COL22A1: variants seen among roughly 807,000 people sequenced by gnomAD.
The protein encoded by COL22A1 is collagen type XXII alpha 1 chain, also known as collagen alpha-1(XXII) chain.
A neutral mutation model predicts 248.9 loss-of-function variants in COL22A1; 221 were observed. The observed-to-expected ratio is 0.89, with a 90% confidence interval of 0.80 to 0.99. The LOEUF is 0.99. Among genes scored for constraint, COL22A1 ranks in the 50% least tolerant of loss-of-function variants. COL22A1 has a pLI of 0.00. For synonymous variants in COL22A1, 891 were observed against 793.4 expected (o/e 1.12, Z -2.07); for missense variants, 2,240 against 2,179.0 (o/e 1.03, Z -0.56).
At chr8:138,885,018 A>G (rs80190253) in intron 1 of COL22A1, among the ~76,000 whole-genome samples, 2 of 28,106 alleles carry the variant, frequency 7.1e-5, no homozygotes, top group Admixed American at 7.7e-4. Flanking sequence ...GTGTGCACGC[A>G]CACACACACA....
chr8:138,664,210 CACACACA>C (rs1564164425), intron 41 of COL22A1, among the ~76,000 whole-genome samples: 8 of 23,768 alleles, frequency 3.4e-4, no homozygotes, highest in Non-Finnish European at 8.6e-4. Flanking sequence ...CGCGCGCGCG[CACACACA>C]CACACACACA....
In COL22A1 at chr8:138,760,264, C is replaced by A; in HGVS notation, c.1881G>T (p.Val627=). 1 of 1,596,784 alleles carries A rather than the reference C, an allele frequency of 6.3e-7. No individual in the cohort carries two copies. The highest frequency in any genetic ancestry group is 8.5e-7 in the Non-Finnish European group (1 of 1,171,910). ...GQQGRPGPSG[V]AGPQGEKGDV... The stretch of plus-strand genomic sequence containing the variant: ...TCACCTTTTCTCCCTGGGGTCCTGC[C>A]ACACCAGAAGGGCCGGGCCTGCCCT... The change falls in exon 18 of 65, where the codon GTG becomes GTT. Residue 627 remains valine (V), a synonymous_variant. Transcript: ENST00000303045.
At chr8:138,596,229 T>C (rs1817530290) in intron 62 of COL22A1, among the ~76,000 whole-genome samples, 1 of 152,210 alleles carries the variant, frequency 6.6e-6, no homozygotes, top group South Asian at 2.1e-4. Context: ...CACAGGCACA[T>C]GCTAGACCTG....
rs115456028 is a variant in COL22A1, at chr8:138,676,729, T to C, written c.3073-94A>G. The C allele has an allele frequency of 4.6e-4, 440 of 949,248 alleles. 3 individuals are homozygous for C. The African/African-American group carries it at 6.7e-3, about 14-fold the overall frequency. The allele number at this position is 949,248 out of a possible 1,614,324, so 58.8% of individuals were successfully genotyped here. A position where few individuals can be genotyped will look rare whatever the true frequency, so the allele number is the denominator to read the frequency against. ...ATCATGCTTCTTCTAGAATCCTGACTGCAGGCTTCTCCTGCCACCTGGCCT... is the reference window on the plus strand; with the variant it reads ...ATCATGCTTCTTCTAGAATCCTGACCGCAGGCTTCTCCTGCCACCTGGCCT... On this transcript the variant is annotated intron_variant, in intron 40 of 64. Transcript: ENST00000303045.
At chr8:138,774,167 A>C (rs939580828) in intron 16 of COL22A1, among the ~76,000 whole-genome samples, 12 of 152,174 alleles carry the variant, frequency 7.9e-5, no homozygotes, top group Non-Finnish European at 1.5e-4. Flanking sequence ...TATTAAAGTT[A>C]AAATGATTAA....
intron 30 of COL22A1, among the ~76,000 whole-genome samples, chr8:138,707,870 T>C (rs1315096431): frequency 6.6e-6 from 1 of 152,194 alleles, no homozygotes; most frequent in Admixed American, 6.5e-5. Context: ...ATGACATGAT[T>C]GTATATTTAG....
At chr8:138,699,545 G>A (rs1354541133) in intron 32 of COL22A1, among the ~76,000 whole-genome samples, 1 of 152,202 alleles carries the variant, frequency 6.6e-6, no homozygotes, top group African/African-American at 2.4e-5. Flanking sequence ...TGAAAAGAGA[G>A]GAAAAAGGTT....
chr8:138,815,103 T>C (rs1259720672), intron 7 of COL22A1, among the ~76,000 whole-genome samples: 1 of 152,178 alleles, frequency 6.6e-6, no homozygotes, highest in African/African-American at 2.4e-5. Context: ...AGATGTGACT[T>C]TGCTCCTCAT....
rs139710094 is a variant in COL22A1, at chr8:138,864,900, C to T, written c.658+12850G>A. 5.0e-3 allele frequency among the ~76,000 whole-genome samples: 766 copies of T among 152,334 alleles called. 5 individuals carry two copies. Among genetic ancestry groups the T allele is most frequent in the African/African-American group, 0.018 (728 of 41,580 alleles). ...GAAAATGTCTTCAGTAGAAAACACA[C>T]GTGGCATTGGGTGCTCAGGGGAGCC... is the stretch of plus-strand genomic sequence containing the variant. On this transcript the variant is annotated intron_variant, in intron 3 of 64. Transcript: ENST00000303045.
Position 138,796,047 on chromosome 8 carries a change from C to T in COL22A1, c.1596+772G>A, listed in dbSNP as rs796632585. Among the ~76,000 whole-genome samples, 20 of 152,266 alleles carry T rather than the reference C, an allele frequency of 1.3e-4. 1 individual carries two copies. Among genetic ancestry groups the T allele is most frequent in the African/African-American group, 4.8e-4 (20 of 41,576 alleles). Reference sequence around the variant, plus strand: ...TTTGCACTGTAAAGTCTTGTGGCTGCCTCTCCAAGAAAACGATAATTTTTT... The same window carrying T: ...TTTGCACTGTAAAGTCTTGTGGCTGTCTCTCCAAGAAAACGATAATTTTTT... On this transcript the variant is annotated intron_variant, in intron 12 of 64. Coordinates refer to ENST00000303045, the MANE Select transcript of COL22A1 (RefSeq NM_152888.3).
chr8:138,599,875 T>C (rs1357300866), intron 60 of COL22A1, among the ~76,000 whole-genome samples: 1 of 152,208 alleles, frequency 6.6e-6, no homozygotes, highest in Non-Finnish European at 1.5e-5. Flanking sequence ...AGAGTGCAGC[T>C]CCTCGGGCTG....
rs370292079 is a variant in COL22A1, at chr8:138,702,599, G to C, written c.2559+707C>G. 4.2e-5 allele frequency among the ~76,000 whole-genome samples: 6 copies of C among 143,432 alleles called. No individual in the cohort carries two copies. In the East Asian group the frequency reaches 6.0e-4, roughly 14 times the overall value. The allele number at this position is 143,432 out of a possible 152,430, so 94.1% of individuals were successfully genotyped here. ...AAACAGAGGATCTCAAGATGAGGAA[G>C]AAACATTAAAGTGGAAAAAAAAAAA... is the stretch of plus-strand genomic sequence containing the variant. On this transcript the variant is annotated intron_variant, in intron 31 of 64. Transcript: ENST00000303045.
intron 1 of COL22A1, among the ~76,000 whole-genome samples, chr8:138,897,330 A>G (rs1825490075): frequency 6.6e-6 from 1 of 151,994 alleles, no homozygotes; most frequent in Non-Finnish European, 1.5e-5. Flanking sequence ...GGCGATTCAC[A>G]AGGTCAAGAG....
chr8:138,661,944 A>C, intron 43 of COL22A1, 86 bp downstream of exon 43: 1 of 1,023,930 alleles, frequency 9.8e-7, no homozygotes, highest in Non-Finnish European at 1.4e-6. Context: ...CCACATGGTC[A>C]AAGGAGGCCA....
intron 1 of COL22A1, among the ~76,000 whole-genome samples, chr8:138,895,771 T>A (rs1336079020): frequency 6.6e-6 from 1 of 152,160 alleles, no homozygotes; most frequent in Admixed American, 6.5e-5. Context: ...GGATGGTAAA[T>A]TCTCAAACTT....
intron 27 of COL22A1, among the ~76,000 whole-genome samples, chr8:138,717,667 G>T (rs1829549964): frequency 6.6e-6 from 1 of 152,150 alleles, no homozygotes. Flanking sequence ...GTCTCACTGT[G>T]TTGGCCAGGT....
chr8:138,641,287 C>G (rs992301048), intron 47 of COL22A1, among the ~76,000 whole-genome samples: 6 of 152,300 alleles, frequency 3.9e-5, no homozygotes, highest in African/African-American at 1.4e-4. Context: ...GTCATCCATA[C>G]CCTCCAAATG....
At chr8:138,679,795 G>T in intron 39 of COL22A1, 119 bp from the exon 40 acceptor site, 1 of 921,736 alleles carries the variant, frequency 1.1e-6, no homozygotes, top group Non-Finnish European at 1.8e-6. Flanking sequence ...ACAGTGTCCA[G>T]ATTAGGGTCT....
rs751086518 is a variant in COL22A1, at chr8:138,796,841, C to T, written c.1574G>A (p.Gly525Asp). The part of the protein sequence containing the change: ...EKGDVGIGPF[G>D]QGEKGEKGSL... ...TACCTTTTCACCCTTTTCCCCTTGG[C>T]CAAAAGGTCCTATGCCCTAGAAAAA... is the stretch of plus-strand genomic sequence containing the variant. The change falls in exon 12 of 65, where the codon GGC (glycine) becomes GAC (aspartate). Residue 525 changes from glycine to aspartate, a missense_variant. Coordinates refer to ENST00000303045, the MANE Select transcript of COL22A1 (RefSeq NM_152888.3). The T allele has an allele frequency of 6.2e-7, 1 of 1,601,058 alleles. No homozygotes were observed.
Sources: allele counts gnomAD v4.1 joint callset (sites outside exome capture counted in the v4.1 genomes callset), GRCh38; gene constraint gnomAD v4.1.1; transcripts MANE v1.5; gene names NCBI Gene and HGNC (gene_info 2026-07-23, HGNC 2026-07-21).